The following SFMBT1 variants were observed in gnomAD, a reference collection of about 807,000 sequenced individuals.
SFMBT1 encodes scm-like with four MBT domains protein 1.
A neutral mutation model predicts 108.7 loss-of-function variants in SFMBT1; 32 were observed. The observed-to-expected ratio is 0.29, with a 90% confidence interval of 0.22 to 0.40. The LOEUF (loss-of-function observed/expected upper bound fraction) is 0.40, where lower values mean the gene tolerates loss of function less well. SFMBT1 is among the 10% of genes least tolerant of loss of function. The probability of loss-of-function intolerance (pLI) is 1.00; values close to 1 mark genes in which losing one functional copy is unlikely to be tolerated. For missense variants in SFMBT1, 816 were observed against 1,059.6 expected (o/e 0.77, Z 3.19); for synonymous variants, 348 against 369.5 (o/e 0.94, Z 0.67).
At position 53,012,340 on chromosome 3, in the gene SFMBT1, C is replaced by T. The variant is rs138772102; in HGVS notation, c.-131+33476G>A. ...TAAGAAGTAGGCATTTAAGTCGCTG[C>T]GCAGCAAATGGACAAGATTCAATGG... On this transcript the variant is annotated intron_variant, in intron 1 of 20. Transcript: ENST00000394752. Among the ~76,000 whole-genome samples, 1,807 of 151,538 alleles carry T rather than the reference C, an allele frequency of 0.012. 114 individuals are homozygous for T. In the South Asian group the frequency reaches 0.17, roughly 14 times the overall value.
Position 52,904,338 on chromosome 3 carries a change from A to C in SFMBT1, c.*798T>G, listed in dbSNP as rs1702015237. 6.6e-6 allele frequency: 1 copy of C among 152,242 alleles called. No homozygotes were observed. 9.4% of individuals were successfully genotyped at this position (152,242 alleles called of 1,614,324 possible). The stretch of plus-strand genomic sequence containing the variant: ...GGCAGCCTCGGCTGGGTCAAGATGG[A>C]GAACAGTAACAGTAGAGTTCTCAGA... On this transcript the variant is annotated 3_prime_UTR_variant, in exon 21 of 21. Coordinates refer to ENST00000394752, the MANE Select transcript of SFMBT1 (RefSeq NM_016329.4).
intron 3 of SFMBT1, among the ~76,000 whole-genome samples, chr3:52,948,825 A>ATTTTTTTTTATTTTTTTTT (rs1703469112): frequency 1.3e-5 from 1 of 78,284 alleles, no homozygotes; most frequent in Non-Finnish European, 2.4e-5. Flanking sequence ...CTAATTTTTA[A>ATTTTTTTTTATTTTTTTTT]TTTTTTTTTT....
intron 1 of SFMBT1, among the ~76,000 whole-genome samples, chr3:53,028,565 C>T (rs547658435): frequency 4.6e-5 from 7 of 152,204 alleles, no homozygotes; most frequent in South Asian, 2.1e-4. Flanking sequence ...CCCAGCTACT[C>T]GGGAGGCTGA....
chr3:52,924,087 C>T (rs970088840), intron 10 of SFMBT1, among the ~76,000 whole-genome samples: 1 of 152,208 alleles, frequency 6.6e-6, no homozygotes, highest in Admixed American at 6.5e-5. Context: ...TTTCCGAATT[C>T]TCAAGCAAAA....
intron 3 of SFMBT1, among the ~76,000 whole-genome samples, chr3:52,951,593 T>A (rs1234480863): frequency 6.6e-6 from 1 of 152,164 alleles, no homozygotes; most frequent in African/African-American, 2.4e-5. Flanking sequence ...TTTGTATTTT[T>A]AGTAGAGAAG....
At chr3:52,931,583 T>TA (rs552139402) in intron 6 of SFMBT1, among the ~76,000 whole-genome samples, 26 of 152,286 alleles carry the variant, frequency 1.7e-4, no homozygotes, top group Admixed American at 1.4e-3. Flanking sequence ...CTCACGCCTG[T>TA]AATCCCAGCA....
intron 1 of SFMBT1, among the ~76,000 whole-genome samples, chr3:53,021,247 T>C (rs1243072333): frequency 6.6e-6 from 1 of 152,230 alleles, no homozygotes; most frequent in Non-Finnish European, 1.5e-5. Context: ...AACTAGTATG[T>C]ACCTAAATTT....
chr3:52,945,792 C>CA (rs1703346961), intron 3 of SFMBT1, among the ~76,000 whole-genome samples: 1 of 140,730 alleles, frequency 7.1e-6, no homozygotes, highest in East Asian at 2.0e-4. Flanking sequence ...GCCTGGGCAA[C>CA]AGAGCGAGAC....
intron 1 of SFMBT1, among the ~76,000 whole-genome samples, chr3:52,976,202 GACCA>G (rs1212453080): frequency 7.9e-5 from 12 of 152,080 alleles, no homozygotes; most frequent in African/African-American, 1.7e-4. Context: ...GGGAGTTCAA[GACCA>G]ACCTGGGCAG....
At chr3:53,004,572 ATTCT>A (rs1698676077) in intron 1 of SFMBT1, among the ~76,000 whole-genome samples, 1 of 150,058 alleles carries the variant, frequency 6.7e-6, no homozygotes, top group African/African-American at 2.4e-5. Context: ...ACGCCTGGCC[ATTCT>A]TTCTTTTTTA....
intron 8 of SFMBT1, among the ~76,000 whole-genome samples, chr3:52,928,649 TATATACAC>T (rs1195496726): frequency 1.7e-4 from 16 of 93,858 alleles, no homozygotes; most frequent in South Asian, 9.7e-4. Flanking sequence ...TATATATATA[TATATACAC>T]ATATATACAT....
rs1047774517 is a variant in SFMBT1, at chr3:53,045,913, G to C, written c.-228C>G. 1 of 150,696 alleles carries C rather than the reference G, an allele frequency of 6.6e-6. No homozygotes were observed. Among genetic ancestry groups the C allele is most frequent in the Non-Finnish European group, 1.5e-5 (1 of 67,696 alleles). The allele number at this position is 150,696 out of a possible 1,614,324, so 9.3% of individuals were successfully genotyped here. A position where few individuals can be genotyped will look rare whatever the true frequency, so the allele number is the denominator to read the frequency against. On this transcript the variant is annotated 5_prime_UTR_variant, in exon 1 of 21. Transcript: ENST00000394752. Reference sequence around the variant, plus strand: ...TCTTTCCGTCTTTTCGCTCCCCCGCGCGGAAGCTTTTTCCTCCCGTGCTGC... The same window carrying C: ...TCTTTCCGTCTTTTCGCTCCCCCGCCCGGAAGCTTTTTCCTCCCGTGCTGC...
intron 1 of SFMBT1, among the ~76,000 whole-genome samples, chr3:53,011,851 C>A (rs1698955562): frequency 6.6e-6 from 1 of 152,176 alleles, no homozygotes; most frequent in Non-Finnish European, 1.5e-5. Context: ...CTGGAATCAG[C>A]TACAAACCAG....
chr3:52,925,771 AATC>A (rs1327485469), intron 10 of SFMBT1, among the ~76,000 whole-genome samples: 1 of 152,260 alleles, frequency 6.6e-6, no homozygotes, highest in Non-Finnish European at 1.5e-5. Context: ...CATGAAAAAT[AATC>A]ATAAAATTTC....
Position 53,039,369 on chromosome 3 carries a change from TAA to T in SFMBT1, c.-131+6445_-131+6446del, listed in dbSNP as rs1699962840. Among the ~76,000 whole-genome samples the T allele has an allele frequency of 6.6e-5, 5 of 75,950 alleles. No homozygotes were observed. In the East Asian group the frequency reaches 3.6e-3, roughly 54 times the overall value. 49.8% of individuals were successfully genotyped at this position (75,950 alleles called of 152,430 possible). On this transcript the variant is annotated intron_variant, in intron 1 of 20. Coordinates refer to ENST00000394752, the MANE Select transcript of SFMBT1 (RefSeq NM_016329.4). ...GTGAATTAAGGCAATCACAAAAGGA[TAA>T]ATACTGTATGATTCCACTTAGATGA...
rs140297249 is a variant in SFMBT1 at position 53,019,767 on chromosome 3, A to G, written c.-131+26049T>C. Reference sequence around the variant, plus strand: ...CCGCATTTGGAAGTCCATTCTCCATAGAGCATACAGGCATTTTTTAAAACA... The same window carrying G: ...CCGCATTTGGAAGTCCATTCTCCATGGAGCATACAGGCATTTTTTAAAACA... On this transcript the variant is annotated intron_variant, in intron 1 of 20. Transcript: ENST00000394752. Among the ~76,000 whole-genome samples, 11 of 152,336 alleles carry G rather than the reference A, an allele frequency of 7.2e-5. No individual in the cohort carries two copies. The East Asian group carries it at 2.1e-3, about 29-fold the overall frequency.
At chr3:52,917,152 G>T (rs1207540725) in intron 13 of SFMBT1, among the ~76,000 whole-genome samples, 1 of 152,056 alleles carries the variant, frequency 6.6e-6, no homozygotes, top group Non-Finnish European at 1.5e-5. Flanking sequence ...AAATGTCTAT[G>T]GCCTTTCTCT....
intron 1 of SFMBT1, among the ~76,000 whole-genome samples, chr3:52,979,740 C>T (rs1704642744): frequency 1.3e-5 from 2 of 152,194 alleles, no homozygotes; most frequent in African/African-American, 2.4e-5. Context: ...AGTAGTGATA[C>T]TATGAACAGT....
chr3:53,032,770 G>A (rs1699730455), intron 1 of SFMBT1, among the ~76,000 whole-genome samples: 2 of 152,194 alleles, frequency 1.3e-5, no homozygotes, highest in African/African-American at 4.8e-5. Flanking sequence ...GTTTAGTAGA[G>A]ATGAGAAACA....
Sources: allele counts gnomAD v4.1 joint callset (sites outside exome capture counted in the v4.1 genomes callset), GRCh38; gene constraint gnomAD v4.1.1; transcripts MANE v1.5; gene names NCBI Gene and HGNC (gene_info 2026-07-23, HGNC 2026-07-21).